The following GLRA3 variants were observed in gnomAD, a reference collection of about 807,000 sequenced individuals.
The protein encoded by GLRA3 is glycine receptor alpha 3.
A neutral mutation model predicts 60.4 loss-of-function variants in GLRA3; 44 were observed. The observed-to-expected ratio is 0.73, with a 90% confidence interval of 0.57 to 0.94. The LOEUF (loss-of-function observed/expected upper bound fraction) is 0.94, where lower values mean the gene tolerates loss of function less well. Among genes scored for constraint, GLRA3 ranks in the 40% least tolerant of loss-of-function variants. The pLI, the probability that GLRA3 is intolerant of heterozygous loss-of-function variation, is 0.00. For missense variants in GLRA3, 508 were observed against 564.6 expected (o/e 0.90, Z 1.02); for synonymous variants, 223 against 192.9 (o/e 1.16, Z -1.29).
chr4:174,728,713 T>A lies in GLRA3; in HGVS notation c.268-15A>T, dbSNP rs770609036. ...ACTCTGTAATCCTATGATAAAATAATGAAAGAAAGAAAAAAAAAAACCCTG... is the reference window on the plus strand; with the variant it reads ...ACTCTGTAATCCTATGATAAAATAAAGAAAGAAAGAAAAAAAAAAACCCTG... On this transcript the variant is annotated splice_polypyrimidine_tract_variant and intron_variant, in intron 3 of 9. Transcript: ENST00000274093. 3.6e-6 allele frequency: 5 copies of A among 1,399,806 alleles called. No individual in the cohort carries two copies. The highest frequency in any genetic ancestry group is 2.3e-5 in the Admixed American group (1 of 43,836). 86.7% of individuals were successfully genotyped at this position (1,399,806 alleles called of 1,614,324 possible). A position where few individuals can be genotyped will look rare whatever the true frequency, so the allele number is the denominator to read the frequency against.
intron 5 of GLRA3, among the ~76,000 whole-genome samples, chr4:174,698,697 T>G (rs1413595834): frequency 6.6e-6 from 1 of 152,200 alleles, no homozygotes; most frequent in Admixed American, 6.5e-5. Context: ...AATTTTAACA[T>G]GATTGGATAG....
chr4:174,725,508 A>G (rs1736289065), intron 4 of GLRA3, among the ~76,000 whole-genome samples: 1 of 151,968 alleles, frequency 6.6e-6, no homozygotes. Context: ...TGAGACAGGG[A>G]CTTGCTTTTT....
intron 3 of GLRA3, among the ~76,000 whole-genome samples, chr4:174,763,678 T>G (rs1738025725): frequency 6.6e-6 from 1 of 152,186 alleles, no homozygotes; most frequent in African/African-American, 2.4e-5. Context: ...CCACTTAATG[T>G]GGAGATCTTA....
intron 5 of GLRA3, among the ~76,000 whole-genome samples, chr4:174,689,652 G>C (rs1029408025): frequency 5.5e-5 from 8 of 145,344 alleles, no homozygotes; most frequent in African/African-American, 1.8e-4. Context: ...ATCCACCGTA[G>C]CAAAGATATG....
Position 174,636,948 on chromosome 4 carries a change from T to C in GLRA3, c.*6838A>G, listed in dbSNP as rs1248995547. Reference sequence around the variant, plus strand: ...TTGAAAAGTGTTCATTTTTATTGTTTCGGATCAAATTATCTATAGTTACAT... The same window carrying C: ...TTGAAAAGTGTTCATTTTTATTGTTCCGGATCAAATTATCTATAGTTACAT... On this transcript the variant is annotated 3_prime_UTR_variant, in exon 10 of 10. Transcript: ENST00000274093. The C allele has an allele frequency of 6.6e-6, 1 of 152,204 alleles. No individual in the cohort carries two copies. Among genetic ancestry groups the C allele is most frequent in the Non-Finnish European group, 1.5e-5 (1 of 68,020 alleles). The allele number at this position is 152,204 out of a possible 1,614,324, so 9.4% of individuals were successfully genotyped here.
intron 7 of GLRA3, among the ~76,000 whole-genome samples, chr4:174,663,284 T>C (rs973629157): frequency 2.6e-5 from 4 of 152,114 alleles, no homozygotes; most frequent in Non-Finnish European, 5.9e-5. Context: ...GATTTAAATC[T>C]CATAAATTCT....
At chr4:174,742,820 T>C (rs1737078072) in intron 3 of GLRA3, among the ~76,000 whole-genome samples, 1 of 152,292 alleles carries the variant, frequency 6.6e-6, no homozygotes, top group African/African-American at 2.4e-5. Context: ...CTGGTCCTTG[T>C]GAAACTCAAT....
intron 3 of GLRA3, among the ~76,000 whole-genome samples, chr4:174,750,502 C>T (rs965538178): frequency 2.6e-5 from 4 of 151,946 alleles, no homozygotes; most frequent in East Asian, 3.9e-4. Context: ...CCTAAGAGGG[C>T]CCATTTACCA....
chr4:174,758,444 G>C (rs73871014), intron 3 of GLRA3, among the ~76,000 whole-genome samples: 1 of 152,026 alleles, frequency 6.6e-6, no homozygotes, highest in Admixed American at 6.5e-5. Flanking sequence ...ACCCAATTGA[G>C]AGACATTCTA....
Position 174,788,890 on chromosome 4 carries a change from G to T in GLRA3, c.125C>A (p.Ser42Ter). The change falls in exon 2 of 10, where the codon TCA becomes TAA. Residue 42 changes from serine to a stop codon, truncating the protein, a stop_gained. Coordinates refer to ENST00000274093, the MANE Select transcript of GLRA3 (RefSeq NM_006529.4). LOFTEE classifies it high-confidence loss of function. The part of the protein sequence containing the change: ...DSARSRSAPM[S>*]PSDFLDKLMG... ...TAATTTATCCAGAAAATCAGAAGGTGACATTGGAGCACTTCGAGATCTTGC... is the reference window on the plus strand; with the variant it reads ...TAATTTATCCAGAAAATCAGAAGGTTACATTGGAGCACTTCGAGATCTTGC... 1 of 1,608,174 alleles carries T rather than the reference G, an allele frequency of 6.2e-7. No individual in the cohort carries two copies. The highest frequency in any genetic ancestry group is 8.5e-7 in the Non-Finnish European group (1 of 1,175,552).
chr4:174,644,725 T>C (rs1248614855), intron 9 of GLRA3, among the ~76,000 whole-genome samples: 1 of 152,180 alleles, frequency 6.6e-6, no homozygotes, highest in Non-Finnish European at 1.5e-5. Flanking sequence ...CTGGCAGAAG[T>C]TTATTTCATG....
At chr4:174,695,408 T>C (rs1171839920) in intron 5 of GLRA3, among the ~76,000 whole-genome samples, 1 of 152,160 alleles carries the variant, frequency 6.6e-6, no homozygotes, top group Non-Finnish European at 1.5e-5. Flanking sequence ...GTAGGCTTCA[T>C]TCCCAGGATG....
chr4:174,804,184 C>T lies in GLRA3; in HGVS notation c.72-15241G>A, dbSNP rs137996978. On this transcript the variant is annotated intron_variant, in intron 1 of 9. Transcript: ENST00000274093. Reference sequence around the variant, plus strand: ...AGGATGAAGGACTTCTGAAATAGTGCTCCAGAGTTTCAGGCAGGAAAATGT... The same window carrying T: ...AGGATGAAGGACTTCTGAAATAGTGTTCCAGAGTTTCAGGCAGGAAAATGT... Among the ~76,000 whole-genome samples, 451 of 152,186 alleles carry T rather than the reference C, an allele frequency of 3.0e-3. 1 individual carries two copies. The highest frequency in any genetic ancestry group is 1.0e-2 in the African/African-American group (414 of 41,540).
At chr4:174,687,737 C>G (rs936612227) in intron 5 of GLRA3, among the ~76,000 whole-genome samples, 2 of 152,178 alleles carry the variant, frequency 1.3e-5, no homozygotes, top group African/African-American at 4.8e-5. Context: ...TTGATGGTGA[C>G]ATCCACAAAT....
At chr4:174,815,909 C>T (rs1378677589) in intron 1 of GLRA3, among the ~76,000 whole-genome samples, 1 of 152,192 alleles carries the variant, frequency 6.6e-6, no homozygotes, top group Admixed American at 6.5e-5. Context: ...ATTTCTGCAG[C>T]CAGCTTGAAT....
intron 2 of GLRA3, 24 bp from the exon 3 acceptor site, chr4:174,767,054 G>A: frequency 8.1e-6 from 11 of 1,362,118 alleles, no homozygotes; most frequent in Non-Finnish European, 1.1e-5. Flanking sequence ...GAAAACATAA[G>A]GGCTGTTTAG....
intron 2 of GLRA3, among the ~76,000 whole-genome samples, chr4:174,772,860 C>T (rs1464985179): frequency 2.6e-5 from 4 of 152,044 alleles, no homozygotes; most frequent in Non-Finnish European, 4.4e-5. Flanking sequence ...ATGGACCTGA[C>T]CCCGAAGGAC....
At chr4:174,822,528 T>C (rs1740780144) in intron 1 of GLRA3, among the ~76,000 whole-genome samples, 1 of 152,200 alleles carries the variant, frequency 6.6e-6, no homozygotes, top group Admixed American at 6.5e-5. Context: ...AAACAAGTCC[T>C]TATCACTAGG....
chr4:174,754,208 C>A (rs904872445), intron 3 of GLRA3, among the ~76,000 whole-genome samples: 2 of 152,034 alleles, frequency 1.3e-5, no homozygotes, highest in African/African-American at 4.8e-5. Context: ...TATTCATATG[C>A]CTCATGGGGT....
Sources: gnomAD v4.1 joint callset for allele counts (sites outside exome capture counted in the v4.1 genomes callset) on GRCh38, gnomAD v4.1.1 for gene constraint, MANE v1.5 for transcripts, NCBI Gene and HGNC (gene_info 2026-07-23, HGNC 2026-07-21) for gene names.